Variants in PHF21B observed in about 807,000 individuals in gnomAD.
PHF21B encodes the protein PHD finger protein 21B.
A neutral mutation model predicts 62.2 loss-of-function variants in PHF21B; 22 were observed. The observed-to-expected ratio is 0.35, with a 90% CI of 0.25 to 0.51. The LOEUF (loss-of-function observed/expected upper bound fraction) is 0.51, where lower values mean the gene tolerates loss of function less well. Ranked by LOEUF, PHF21B falls within the 20% of genes least tolerant of loss-of-function variation. PHF21B has a pLI of 0.97. For synonymous variants in PHF21B, 341 were observed against 314.7 expected, an observed-to-expected ratio of 1.08 and a Z score of -0.88; for missense variants, 701 against 707.9, an observed-to-expected ratio of 0.99 and a Z score of 0.11.
chr22:44,900,657 T>A (rs993964449), intron 5 of PHF21B, among the ~76,000 whole-genome samples: 1 of 152,218 alleles, frequency 6.6e-6, no homozygotes, highest in East Asian at 1.9e-4. Context: ...TGGCTGCAAA[T>A]GAAATCCTTG....
intron 5 of PHF21B, among the ~76,000 whole-genome samples, chr22:44,903,906 C>T (rs959645489): frequency 1.3e-5 from 2 of 152,142 alleles, no homozygotes; most frequent in African/African-American, 4.8e-5. Context: ...TTTCATTTCT[C>T]TAAAAGTAGG....
At chr22:44,920,966 C>T (rs964952870) in intron 2 of PHF21B, among the ~76,000 whole-genome samples, 8 of 152,208 alleles carry the variant, frequency 5.3e-5, no homozygotes, top group Non-Finnish European at 5.9e-5. Flanking sequence ...AATGCTGCAG[C>T]GAACATCTTT....
intron 2 of PHF21B, among the ~76,000 whole-genome samples, chr22:44,920,945 A>G (rs1215781219): frequency 6.6e-6 from 1 of 152,226 alleles, no homozygotes; most frequent in Non-Finnish European, 1.5e-5. Context: ...ATCTTTTTCC[A>G]GTTAATAAAC....
intron 5 of PHF21B, among the ~76,000 whole-genome samples, chr22:44,906,078 C>A (rs943129024): frequency 6.6e-6 from 1 of 152,164 alleles, no homozygotes; most frequent in African/African-American, 2.4e-5. Context: ...GAGCTGCCCA[C>A]CCTCAGGGTC....
intron 2 of PHF21B, among the ~76,000 whole-genome samples, chr22:44,950,786 C>T (rs907630060): frequency 1.2e-4 from 18 of 152,164 alleles, no homozygotes; most frequent in Non-Finnish European, 1.9e-4. Flanking sequence ...TTAAATGCAA[C>T]TTTCTTTGAG....
chr22:44,963,675 G>A (rs927461243), intron 2 of PHF21B, among the ~76,000 whole-genome samples: 15 of 152,202 alleles, frequency 9.9e-5, no homozygotes, highest in South Asian at 2.1e-4. Flanking sequence ...CTGGCTGTAC[G>A]CTCCCAGGGG....
chr22:44,987,223 T>C (rs114185787), intron 2 of PHF21B, among the ~76,000 whole-genome samples: 3,080 of 151,964 alleles, frequency 0.02, 97 homozygotes, highest in African/African-American at 0.07. Flanking sequence ...GGTGAATGAA[T>C]AGTGGCAGAG....
chr22:44,959,452 T>C (rs752653122), intron 2 of PHF21B, among the ~76,000 whole-genome samples: 13 of 152,176 alleles, frequency 8.5e-5, no homozygotes, highest in Admixed American at 1.3e-4. Context: ...AAGTGGACAG[T>C]AGACACCAGT....
At chr22:44,999,267 G>A (rs1426251016) in intron 2 of PHF21B, among the ~76,000 whole-genome samples, 1 of 152,196 alleles carries the variant, frequency 6.6e-6, no homozygotes, top group African/African-American at 2.4e-5. Context: ...TTCAAAATGA[G>A]ATGTCTCCAC....
intron 4 of PHF21B, among the ~76,000 whole-genome samples, chr22:44,914,657 G>C (rs941837413): frequency 6.6e-6 from 1 of 152,204 alleles, no homozygotes; most frequent in African/African-American, 2.4e-5. Flanking sequence ...GCACAGGTGG[G>C]AATAACATTC....
At chr22:44,919,531 A>G (rs571945231) in intron 3 of PHF21B, among the ~76,000 whole-genome samples, 8 of 152,326 alleles carry the variant, frequency 5.3e-5, no homozygotes, top group African/African-American at 1.9e-4. Flanking sequence ...ACTTGGGGAA[A>G]GTTGCCACAT....
intron 2 of PHF21B, among the ~76,000 whole-genome samples, chr22:44,986,301 A>G (rs1372570381): frequency 1.3e-5 from 2 of 150,574 alleles, no homozygotes; most frequent in Admixed American, 1.3e-4. Flanking sequence ...CACTACCATC[A>G]CAATGATCAC....
At chr22:44,998,810 C>T (rs1244354870) in intron 2 of PHF21B, among the ~76,000 whole-genome samples, 1 of 152,164 alleles carries the variant, frequency 6.6e-6, no homozygotes, top group Non-Finnish European at 1.5e-5. Context: ...CTCTACTCAA[C>T]TCCTGGCTGC....
chr22:44,921,104 G>C (rs1474965228), intron 2 of PHF21B, among the ~76,000 whole-genome samples: 1 of 152,208 alleles, frequency 6.6e-6, no homozygotes, highest in African/African-American at 2.4e-5. Flanking sequence ...CCTCAGGAGG[G>C]GGAACGGCCT....
chr22:44,929,877 G>A (rs932696153), intron 2 of PHF21B, among the ~76,000 whole-genome samples: 8 of 152,222 alleles, frequency 5.3e-5, no homozygotes, highest in Admixed American at 5.2e-4. Flanking sequence ...TGGAGGGAGG[G>A]GAGGCGACAG....
chr22:44,940,620 A>G (rs1393091758), intron 2 of PHF21B, among the ~76,000 whole-genome samples: 1 of 152,240 alleles, frequency 6.6e-6, no homozygotes, highest in African/African-American at 2.4e-5. Flanking sequence ...AGAGGATAAG[A>G]GAACACTGCT....
intron 2 of PHF21B, among the ~76,000 whole-genome samples, chr22:44,961,255 T>G (rs958071011): frequency 8.5e-5 from 13 of 152,066 alleles, no homozygotes; most frequent in African/African-American, 3.1e-4. Context: ...GTGCCCAGAC[T>G]GATTTTTTAT....
intron 5 of PHF21B, among the ~76,000 whole-genome samples, chr22:44,910,479 G>A (rs2071325600): frequency 1.3e-5 from 2 of 152,164 alleles, no homozygotes; most frequent in Non-Finnish European, 2.9e-5. Context: ...ATTATGGGAG[G>A]GACCTGGTGG....
In PHF21B at chr22:44,887,979, G is replaced by A; in HGVS notation, c.1181C>T (p.Pro394Leu). 6.5e-7 allele frequency: 1 copy of A among 1,547,820 alleles called. No homozygotes were observed. The highest frequency in any genetic ancestry group is 2.4e-5 in the East Asian group (1 of 42,506). The change falls in exon 10 of 13, where the codon CCC (proline) becomes CTC (leucine). Residue 394 changes from proline to leucine, a missense_variant. Transcript: ENST00000313237. ...KTAPKGVWVC[P>L]RCQQKALKKD... ...CTCCTGTACCTTCTGCTGGCACCTG[G>A]GGCACACCCACACGCCCTTGGGCGC...
Sources: allele counts gnomAD v4.1 joint callset (sites outside exome capture counted in the v4.1 genomes callset), GRCh38; gene constraint gnomAD v4.1.1; transcripts MANE v1.5; gene names NCBI Gene and HGNC (gene_info 2026-07-23, HGNC 2026-07-21).